ASTN2: variants seen among roughly 807,000 people sequenced by gnomAD.
ASTN2 encodes astrotactin 2.
Under a neutral mutation model 139.8 loss-of-function variants are expected in ASTN2, and 54 were observed. The ratio of observed to expected loss-of-function variants is 0.39; its 90% CI spans 0.31 to 0.48. The LOEUF (loss-of-function observed/expected upper bound fraction) is 0.48, where lower values mean the gene tolerates loss of function less well. Among genes scored for constraint, ASTN2 ranks in the 20% least tolerant of loss-of-function variants. ASTN2 has a pLI of 0.95. For missense variants in ASTN2, 1,565 were observed against 1,725.1 expected, an observed-to-expected ratio of 0.91 and a Z score of 1.64; for synonymous variants, 756 against 719.5, an observed-to-expected ratio of 1.05 and a Z score of -0.81.
chr9:116,847,996 T>C (rs913372465), intron 11 of ASTN2, among the ~76,000 whole-genome samples: 1 of 152,236 alleles, frequency 6.6e-6, no homozygotes, highest in African/African-American at 2.4e-5. Context: ...GCTGATGGCA[T>C]GGCTCAGTGA....
intron 4 of ASTN2, among the ~76,000 whole-genome samples, chr9:117,121,811 G>T (rs1244112879): frequency 6.6e-6 from 1 of 152,228 alleles, no homozygotes; most frequent in African/African-American, 2.4e-5. Context: ...CGATGGGGAA[G>T]CCAGTTCATC....
chr9:117,387,741 G>A (rs1047264662), intron 1 of ASTN2, among the ~76,000 whole-genome samples: 1 of 152,174 alleles, frequency 6.6e-6, no homozygotes, highest in Non-Finnish European at 1.5e-5. Context: ...CTTTGTTTCT[G>A]GAGAGAAATG....
chr9:116,562,788 C>G (rs990263588), intron 19 of ASTN2, among the ~76,000 whole-genome samples: 1 of 144,094 alleles, frequency 6.9e-6, no homozygotes, highest in Non-Finnish European at 1.5e-5. Flanking sequence ...AAAGGTTATG[C>G]GTGATTTTGA....
At position 117,120,049 on chromosome 9, in the gene ASTN2, T is replaced by TATAC. The variant is rs1433485798; in HGVS notation, c.1168+21276_1168+21277insGTAT. ...ATATATATATATATATATATATATATACCCTGAGTATATATACTCAGAGAT... is the reference window on the plus strand; with the variant it reads ...ATATATATATATATATATATATATATATACACCCTGAGTATATATACTCAGAGAT... On this transcript the variant is annotated intron_variant, in intron 4 of 22. Transcript: ENST00000313400. 2.9e-4 allele frequency among the ~76,000 whole-genome samples: 38 copies of TATAC among 129,352 alleles called. 1 individual carries two copies. Among genetic ancestry groups the TATAC allele is most frequent in the African/African-American group, 1.1e-3 (35 of 31,784 alleles). 84.9% of individuals were successfully genotyped at this position (129,352 alleles called of 152,430 possible).
intron 16 of ASTN2, among the ~76,000 whole-genome samples, chr9:116,710,273 C>T (rs28576242): frequency 0.073 from 11,078 of 152,180 alleles, 703 homozygotes; most frequent in African/African-American, 0.17. Context: ...TAGAAAGCTT[C>T]ATTATGTGAG....
At chr9:117,007,572 G>A (rs1704038534) in intron 7 of ASTN2, among the ~76,000 whole-genome samples, 1 of 152,156 alleles carries the variant, frequency 6.6e-6, no homozygotes, top group Non-Finnish European at 1.5e-5. Flanking sequence ...AGCTTCATGA[G>A]GGTGGAGATT....
At chr9:117,317,149 C>T (rs1421753440) in intron 1 of ASTN2, among the ~76,000 whole-genome samples, 1 of 152,182 alleles carries the variant, frequency 6.6e-6, no homozygotes, top group Non-Finnish European at 1.5e-5. Context: ...CACATGCACA[C>T]ACACATAAAC....
chr9:117,379,510 C>T (rs1457167375), intron 1 of ASTN2, among the ~76,000 whole-genome samples: 2 of 152,176 alleles, frequency 1.3e-5, no homozygotes, highest in Non-Finnish European at 2.9e-5. Context: ...TTAATCCTTC[C>T]AGTTAAGCCT....
chr9:116,674,389 C>A (rs778350838), intron 16 of ASTN2, among the ~76,000 whole-genome samples: 5 of 152,200 alleles, frequency 3.3e-5, no homozygotes, highest in African/African-American at 7.2e-5. Context: ...CTGGCCCTGC[C>A]GGCATTTATT....
Position 116,549,267 on chromosome 9 carries a change from A to C in ASTN2, c.3356-61767T>G, listed in dbSNP as rs371527947. ...AGGGCAAATAAAAAATGAAAAAAAAAAAACAGAAGGAAGTAAAAGAAAGGA... is the reference window on the plus strand; with the variant it reads ...AGGGCAAATAAAAAATGAAAAAAAACAAACAGAAGGAAGTAAAAGAAAGGA... On this transcript the variant is annotated intron_variant, in intron 19 of 22. Transcript: ENST00000313400. Among the ~76,000 whole-genome samples the C allele has an allele frequency of 2.4e-3, 364 of 152,258 alleles. 1 individual carries two copies. The highest frequency in any genetic ancestry group is 8.3e-3 in the African/African-American group (345 of 41,566).
chr9:117,303,300 A>G (rs760153649), intron 1 of ASTN2, among the ~76,000 whole-genome samples: 1 of 152,186 alleles, frequency 6.6e-6, no homozygotes, highest in Non-Finnish European at 1.5e-5. Flanking sequence ...AAACCCAAGT[A>G]AAGAGGACAG....
intron 19 of ASTN2, among the ~76,000 whole-genome samples, chr9:116,614,875 G>C (rs965981011): frequency 1.9e-4 from 29 of 152,140 alleles, no homozygotes; most frequent in African/African-American, 5.8e-4. Flanking sequence ...TGACAAATGG[G>C]ATCTAATTAA....
chr9:117,317,461 T>C lies in ASTN2; in HGVS notation c.443-25948A>G, dbSNP rs150452330. 8.9e-4 allele frequency among the ~76,000 whole-genome samples: 135 copies of C among 152,308 alleles called. 3 individuals carry two copies. In the East Asian group the frequency reaches 0.021, roughly 24 times the overall value. ...GTAGCAGCTGCTTGGTGCAGATTTG[T>C]TGAATGAATACACTAATGAATGTAA... On this transcript the variant is annotated intron_variant, in intron 1 of 22. Transcript: ENST00000313400.
chr9:116,965,224 C>T (rs1399919169), intron 10 of ASTN2, among the ~76,000 whole-genome samples: 4 of 152,172 alleles, frequency 2.6e-5, no homozygotes, highest in South Asian at 2.1e-4. Context: ...TAATGGCTGC[C>T]GTCTTTGATT....
At chr9:117,299,382 C>CTAT (rs2130797000) in intron 1 of ASTN2, among the ~76,000 whole-genome samples, 1 of 152,238 alleles carries the variant, frequency 6.6e-6, no homozygotes, top group South Asian at 2.1e-4. Context: ...AAAAGACATG[C>CTAT]TATAAATAGC....
intron 1 of ASTN2, among the ~76,000 whole-genome samples, chr9:117,335,790 A>AT (rs1217113941): frequency 6.6e-6 from 1 of 152,120 alleles, no homozygotes; most frequent in Non-Finnish European, 1.5e-5. Context: ...AGAAAAAAAA[A>AT]GGGACTTGCT....
intron 18 of ASTN2, among the ~76,000 whole-genome samples, chr9:116,619,718 G>A (rs1425341130): frequency 7.9e-6 from 1 of 126,640 alleles, no homozygotes; most frequent in African/African-American, 3.0e-5. Flanking sequence ...TTTTTGGAGA[G>A]ACGAGGTCTC....
At chr9:117,331,175 T>C (rs1828695089) in intron 1 of ASTN2, among the ~76,000 whole-genome samples, 1 of 152,176 alleles carries the variant, frequency 6.6e-6, no homozygotes, top group Non-Finnish European at 1.5e-5. Context: ...ATGTCTTCTG[T>C]AAGTTGGAGG....
At chr9:117,091,470 G>C (rs781260023) in intron 5 of ASTN2, among the ~76,000 whole-genome samples, 1 of 152,146 alleles carries the variant, frequency 6.6e-6, no homozygotes, top group East Asian at 1.9e-4. Context: ...GTCTACAAAG[G>C]GGGGTACAGC....
Sources: allele counts gnomAD v4.1 joint callset (sites outside exome capture counted in the v4.1 genomes callset), GRCh38; gene constraint gnomAD v4.1.1; transcripts MANE v1.5; gene names NCBI Gene and HGNC (gene_info 2026-07-23, HGNC 2026-07-21).